Variants in PTGES2 observed in about 807,000 individuals in gnomAD.
PTGES2 encodes prostaglandin E synthase 2.
PTGES2 carries 35 observed loss-of-function variants against 44.5 expected under a neutral mutation model. The ratio of observed to expected loss-of-function variants is 0.79; its 90% CI spans 0.60 to 1.04. The LOEUF is 1.04. Ranked by LOEUF, PTGES2 falls within the 50% of genes least tolerant of loss-of-function variation. The pLI is 0.00. For synonymous variants in PTGES2, 221 were observed against 227.5 expected, an observed-to-expected ratio of 0.97 and a Z score of 0.26; for missense variants, 517 against 521.4, an observed-to-expected ratio of 0.99 and a Z score of 0.08.
At chr9:128,127,988 G>T (rs938106922), upstream of PTGES2, 5 of 437,614 alleles carry the variant, frequency 1.1e-5, no homozygotes, top group African/African-American at 4.2e-5. Context: ...CCGACTGCAG[G>T]GGGGCGAACG....
At chr9:128,124,674 C>A in intron 2 of PTGES2, 124 bp from the exon 3 acceptor site, 1 of 1,275,890 alleles carries the variant, frequency 7.8e-7, no homozygotes, top group Non-Finnish European at 1.1e-6. Context: ...CGGAGTCCTC[C>A]CCGCCCTGCC....
chr9:128,127,973 CCCG>C, upstream of PTGES2: 1 of 447,326 alleles, frequency 2.2e-6, no homozygotes, highest in Non-Finnish European at 4.0e-6. Context: ...TGGGTAGTGA[CCCG>C]GCCGACTGCA....
At position 128,127,657 on chromosome 9, in the gene PTGES2, TC is replaced by T; in HGVS notation, c.60del (p.Trp20Ter). ...AGCGGCTGGGGGCGGCCTCCCAGCC[TC>T]CAGGCCAAGGCGCACCCACCAGGCC... ...ALWPGGCALA[W>X]RLGGRPQPLL... On this transcript the variant is annotated frameshift_variant, in exon 1 of 7. Transcript: ENST00000338961. LOFTEE classifies it high-confidence loss of function. 1 of 1,289,036 alleles carries T rather than the reference TC, an allele frequency of 7.8e-7. No individual in the cohort carries two copies. The allele number at this position is 1,289,036 out of a possible 1,614,324, so 79.8% of individuals were successfully genotyped here.
At chr9:128,127,838 G>GAACC (rs1366875610), upstream of PTGES2, 3 of 994,854 alleles carry the variant, frequency 3.0e-6, no homozygotes, top group African/African-American at 5.1e-5. Flanking sequence ...GACGCTAAGG[G>GAACC]AACCCTCAGC....
At chr9:128,122,297 CA>C in intron 6 of PTGES2, 64 bp downstream of exon 6, 27 of 1,328,688 alleles carry the variant, frequency 2.0e-5, no homozygotes, top group Non-Finnish European at 2.9e-5. Context: ...CTTTCCCTTG[CA>C]AACCTCCCCC....
At chr9:128,122,609 G>A (rs1204481922) in intron 5 of PTGES2, 130 bp from the exon 6 acceptor site, 4 of 749,920 alleles carry the variant, frequency 5.3e-6, no homozygotes, top group Non-Finnish European at 9.0e-6. Flanking sequence ...CATCACATCT[G>A]CAGACGCCTC....
At chr9:128,124,851 G>T in intron 2 of PTGES2, 1 of 1,257,940 alleles carries the variant, frequency 7.9e-7, no homozygotes, top group Non-Finnish European at 1.0e-6. Context: ...CACTGTGCCA[G>T]GCATTTCATA....
At chr9:128,122,237 G>A (rs1222991733) in intron 6 of PTGES2, 125 bp downstream of exon 6, 4 of 751,550 alleles carry the variant, frequency 5.3e-6, no homozygotes, top group Non-Finnish European at 9.1e-6. Context: ...TTCTGTCCGT[G>A]ATGGCAGAGA....
rs1564209902 is a variant in PTGES2, at chr9:128,123,689, C to A, written c.686+13G>T. ...GGTCACCACCTTCCCCCGCCAGCCC[C>A]AGCCCCACTCACGTCCTGGCCTCCT... is the stretch of plus-strand genomic sequence containing the variant. On this transcript the variant is annotated intron_variant, in intron 4 of 6. Transcript: ENST00000338961. This position sits in a 1 kb window ranked among gnomAD's most constrained non-coding sequence, Gnocchi z 4.4. The A allele has an allele frequency of 8.1e-6, 13 of 1,611,048 alleles. No individual in the cohort carries two copies. Among genetic ancestry groups the A allele is most frequent in the Non-Finnish European group, 1.1e-5 (13 of 1,177,842 alleles).
Position 128,123,996 on chromosome 9 carries a change from G to T in PTGES2, c.537-145C>A. On this transcript the variant is annotated intron_variant, in intron 3 of 6. Transcript: ENST00000338961. This position sits in a 1 kb window ranked among gnomAD's most constrained non-coding sequence, Gnocchi z 4.4. ...GCAGTAAGAGGGATTTGGAGTAGAT[G>T]CCAGGGCTACCTCCCCAAGAGAGGG... 1 of 904,696 alleles carries T rather than the reference G, an allele frequency of 1.1e-6. No individual in the cohort carries two copies. Among genetic ancestry groups the T allele is most frequent in the Non-Finnish European group, 1.6e-6 (1 of 608,068 alleles). 56.0% of individuals were successfully genotyped at this position (904,696 alleles called of 1,614,324 possible). A position where few individuals can be genotyped will look rare whatever the true frequency, so the allele number is the denominator to read the frequency against.
Position 128,123,620 on chromosome 9 carries a change from C to T in PTGES2, c.686+82G>A, listed in dbSNP as rs1280312502. The T allele has an allele frequency of 1.4e-6, 2 of 1,437,024 alleles. No individual in the cohort carries two copies. Among genetic ancestry groups the T allele is most frequent in the Non-Finnish European group, 1.9e-6 (2 of 1,047,540 alleles). 89.0% of individuals were successfully genotyped at this position (1,437,024 alleles called of 1,614,324 possible). A position where few individuals can be genotyped will look rare whatever the true frequency, so the allele number is the denominator to read the frequency against. On this transcript the variant is annotated intron_variant, in intron 4 of 6. Coordinates refer to ENST00000338961, the MANE Select transcript of PTGES2 (RefSeq NM_025072.7). This position sits in a 1 kb window ranked among gnomAD's most constrained non-coding sequence, Gnocchi z 4.4. Reference sequence around the variant, plus strand: ...GGTCTCCCATGCTGCTCCCTGCTCACGCCATCTTGCTCAGCTTGGTCCTAC... The same window carrying T: ...GGTCTCCCATGCTGCTCCCTGCTCATGCCATCTTGCTCAGCTTGGTCCTAC...
upstream of PTGES2, chr9:128,128,042 C>A: frequency 2.6e-6 from 1 of 384,792 alleles, no homozygotes; most frequent in South Asian, 2.7e-5. Flanking sequence ...GCGTGGCCGT[C>A]TGTAACACGT....
chr9:128,122,005 G>A (rs1328360355), intron 6 of PTGES2, among the ~76,000 whole-genome samples: 1 of 151,998 alleles, frequency 6.6e-6, no homozygotes, highest in African/African-American at 2.4e-5. Context: ...GGGGTTTTCT[G>A]GGAGAAGCCT....
At chr9:128,127,975 C>T (rs997262794), upstream of PTGES2, 4 of 444,028 alleles carry the variant, frequency 9.0e-6, no homozygotes, top group South Asian at 7.0e-5. Flanking sequence ...GGTAGTGACC[C>T]GGCCGACTGC....
At chr9:128,127,189 A>G (rs1834652321) in intron 1 of PTGES2, among the ~76,000 whole-genome samples, 1 of 131,376 alleles carries the variant, frequency 7.6e-6, no homozygotes, top group South Asian at 2.6e-4. Flanking sequence ...AAATAAACAA[A>G]CCAAAAAAAA....
upstream of PTGES2, chr9:128,128,062 C>G (rs2130861074): frequency 5.3e-6 from 2 of 375,684 alleles, no homozygotes; most frequent in Non-Finnish European, 1.0e-5. Context: ...TACTTGCCCA[C>G]CTCTCTTACG....
In PTGES2 at chr9:128,127,585, G is replaced by GGCCGCCC; in HGVS notation, c.126_132dup (p.Pro45GlyfsTer11). 7.8e-7 allele frequency: 1 copy of GGCCGCCC among 1,276,038 alleles called. No individual in the cohort carries two copies. The highest frequency in any genetic ancestry group is 9.9e-7 in the Non-Finnish European group (1 of 1,012,510). 79.0% of individuals were successfully genotyped at this position (1,276,038 alleles called of 1,614,324 possible). ...TTACGAGCTGCAGCCACGGGGCTCG[G>GGCCGCCC]GCCGCCCGCCGCCCCCGCGAAGCCA... is the stretch of plus-strand genomic sequence containing the variant. On this transcript the variant is annotated frameshift_variant, in exon 1 of 7. Coordinates refer to ENST00000338961, the MANE Select transcript of PTGES2 (RefSeq NM_025072.7). LOFTEE classifies it high-confidence loss of function.
intron 5 of PTGES2, 115 bp from the exon 6 acceptor site, chr9:128,122,594 G>A: frequency 2.4e-6 from 2 of 845,606 alleles, no homozygotes; most frequent in South Asian, 1.5e-5. Context: ...CACCCCAGGT[G>A]AGAGCATCAC....
chr9:128,123,679 C>CTGCCAG lies in PTGES2; in HGVS notation c.686+22_686+23insCTGGCA. On this transcript the variant is annotated intron_variant, in intron 4 of 6. Coordinates refer to ENST00000338961, the MANE Select transcript of PTGES2 (RefSeq NM_025072.7). The surrounding 1 kb of genome is among the most constrained non-coding windows in gnomAD (Gnocchi z 4.4). Reference sequence around the variant, plus strand: ...AGACCCCTGCGGTCACCACCTTCCCCCGCCAGCCCCAGCCCCACTCACGTC... The same window carrying CTGCCAG: ...AGACCCCTGCGGTCACCACCTTCCCCTGCCAGCGCCAGCCCCAGCCCCACTCACGTC... 1 of 1,601,422 alleles carries CTGCCAG rather than the reference C, an allele frequency of 6.2e-7. No homozygotes were observed. The highest frequency in any genetic ancestry group is 8.5e-7 in the Non-Finnish European group (1 of 1,172,232).
Sources: gnomAD v4.1 joint callset for allele counts (sites outside exome capture counted in the v4.1 genomes callset) on GRCh38, gnomAD v4.1.1 for gene constraint, Gnocchi (gnomAD v3.1) non-coding constraint, MANE v1.5 for transcripts, NCBI Gene and HGNC (gene_info 2026-07-23, HGNC 2026-07-21) for gene names.